Variants in ZNF560 observed in about 807,000 individuals in gnomAD.
ZNF560 encodes zinc finger protein 560.
A neutral mutation model predicts 81.8 loss-of-function variants in ZNF560; 54 were observed. The observed-to-expected ratio is 0.66, with a 90% CI of 0.53 to 0.83. The LOEUF is 0.83. Ranked by LOEUF, ZNF560 falls within the 40% of genes least tolerant of loss-of-function variation. ZNF560 has a pLI of 0.00. For synonymous variants in ZNF560, 321 were observed against 317.9 expected, an observed-to-expected ratio of 1.01 and a Z score of -0.10; for missense variants, 940 against 932.4, an observed-to-expected ratio of 1.01 and a Z score of -0.11.
At chr19:9,490,674 T>C (rs1050455721) in intron 2 of ZNF560, among the ~76,000 whole-genome samples, 3 of 152,194 alleles carry the variant, frequency 2.0e-5, no homozygotes, top group African/African-American at 7.2e-5. Flanking sequence ...CAATTATAAT[T>C]TACAAAAACA....
At position 9,468,306 on chromosome 19, in the gene ZNF560, T is replaced by C. The variant is rs781373847; in HGVS notation, c.641A>G (p.Tyr214Cys). ...GACATCTTCACATTGCTTACAGTCATAGAGTTCCTCTCCATTTTGGTTTCT... is the reference window on the plus strand; with the variant it reads ...GACATCTTCACATTGCTTACAGTCACAGAGTTCCTCTCCATTTTGGTTTCT... The part of the protein sequence containing the change: ...LARNQNGEEL[Y>C]DCKQCEDVFC... Residue 214 changes from tyrosine to cysteine, a missense_variant, in exon 10 of 10, where the codon TAT (tyrosine) becomes TGT (cysteine). Physicochemically the swap from Tyr to Cys is radical, Grantham distance 194. Transcript: ENST00000301480. The C allele has an allele frequency of 3.7e-6, 6 of 1,601,882 alleles. No individual in the cohort carries two copies. Among genetic ancestry groups the C allele is most frequent in the South Asian group, 2.3e-5 (2 of 88,366 alleles).
upstream of ZNF560, among the ~76,000 whole-genome samples, chr19:9,498,994 C>T (rs981233774): frequency 6.6e-6 from 1 of 152,232 alleles, no homozygotes; most frequent in Non-Finnish European, 1.5e-5. Flanking sequence ...AGTTGATAAC[C>T]TGCCAATCCA....
the ZNF560 span, among the ~76,000 whole-genome samples, chr19:9,460,039 A>T: frequency 6.6e-6 from 1 of 152,298 alleles, no homozygotes; most frequent in African/African-American, 2.4e-5. Flanking sequence ...AAAGGTTGTG[A>T]AACAGGTAAA....
At chr19:9,469,026 C>A (rs2073081008) in intron 9 of ZNF560, 79 bp downstream of exon 9, 1 of 1,171,490 alleles carries the variant, frequency 8.5e-7, no homozygotes, top group African/African-American at 1.6e-5. Context: ...CCGTGCCTGG[C>A]CATTTCTGCT....
chr19:9,476,281 G>A (rs2073200585), intron 2 of ZNF560, among the ~76,000 whole-genome samples: 1 of 151,858 alleles, frequency 6.6e-6, no homozygotes, highest in African/African-American at 2.4e-5. Flanking sequence ...AGATCTGATG[G>A]TGGGTTTTTT....
downstream of ZNF560, among the ~76,000 whole-genome samples, chr19:9,465,129 A>ATTTTTTTT (rs887659069): frequency 1.5e-5 from 2 of 129,526 alleles, no homozygotes; most frequent in African/African-American, 2.9e-5. Flanking sequence ...AAAGCTATTG[A>ATTTTTTTT]TTTTTTTTTT....
At position 9,469,610 on chromosome 19, in the gene ZNF560, TG is replaced by T; in HGVS notation, c.529+19del. The T allele has an allele frequency of 6.2e-7, 1 of 1,610,784 alleles. No individual in the cohort carries two copies. On this transcript the variant is annotated intron_variant, in intron 8 of 9. Coordinates refer to ENST00000301480, the MANE Select transcript of ZNF560 (RefSeq NM_152476.3). Reference sequence around the variant, plus strand: ...CTGAGAACTTCTCATGGACCAGGGTTGTTCTTCACAAACACTCACCTTGGAG... The same window carrying T: ...CTGAGAACTTCTCATGGACCAGGGTTTTCTTCACAAACACTCACCTTGGAG...
At chr19:9,475,124 G>A (rs1380256181) in intron 3 of ZNF560, among the ~76,000 whole-genome samples, 160 bp downstream of exon 3, 2 of 152,094 alleles carry the variant, frequency 1.3e-5, no homozygotes, top group South Asian at 2.1e-4. Context: ...TTATCAGTAT[G>A]AGAACCTCCA....
At chr19:9,491,469 A>G (rs1363354501) in intron 2 of ZNF560, among the ~76,000 whole-genome samples, 2 of 151,994 alleles carry the variant, frequency 1.3e-5, no homozygotes, top group Admixed American at 6.6e-5. Context: ...ATATCAAGAT[A>G]TCCCCTCCAA....
At chr19:9,460,396 G>A in the ZNF560 span, among the ~76,000 whole-genome samples, 1 of 152,196 alleles carries the variant, frequency 6.6e-6, no homozygotes, top group African/African-American at 2.4e-5. Context: ...CTTCAGCAAG[G>A]ACTGACAAAA....
At chr19:9,496,252 G>A (rs1207655043) in intron 2 of ZNF560, among the ~76,000 whole-genome samples, 1 of 151,854 alleles carries the variant, frequency 6.6e-6, no homozygotes, top group African/African-American at 2.4e-5. Context: ...AGATTGAGGT[G>A]GGAGGATCAC....
the ZNF560 span, among the ~76,000 whole-genome samples, chr19:9,449,177 C>CA: frequency 6.6e-6 from 1 of 152,134 alleles, no homozygotes; most frequent in Admixed American, 6.5e-5. Flanking sequence ...AACATTCTAC[C>CA]CATCAACCAC....
chr19:9,467,941 C>T lies in ZNF560; in HGVS notation c.1006G>A (p.Ala336Thr), dbSNP rs777161387. The T allele has an allele frequency of 6.2e-7, 1 of 1,614,142 alleles. No individual in the cohort carries two copies. The highest frequency in any genetic ancestry group is 8.5e-7 in the Non-Finnish European group (1 of 1,180,014). ...GEAFTHSTSH[A>T]VNVETHIIKN... Reference sequence around the variant, plus strand: ...ATAATGTGTGTTTCAACATTTACAGCATGGCTTGTGGAGTGAGTAAATGCT... The same window carrying T: ...ATAATGTGTGTTTCAACATTTACAGTATGGCTTGTGGAGTGAGTAAATGCT... Residue 336 changes from alanine (A) to threonine (T), a missense_variant, in exon 10 of 10, where the codon GCT becomes ACT. Ala to Thr is a moderately conservative substitution (Grantham distance 58). Coordinates refer to ENST00000301480, the MANE Select transcript of ZNF560 (RefSeq NM_152476.3).
chr19:9,449,982 A>AC, the ZNF560 span, among the ~76,000 whole-genome samples: 1 of 145,240 alleles, frequency 6.9e-6, no homozygotes, highest in Admixed American at 7.0e-5. Context: ...CTCAAAAAAA[A>AC]AAAAAAAAAA....
At chr19:9,505,971 ATATT>A in the ZNF560 span, among the ~76,000 whole-genome samples, 3 of 143,870 alleles carry the variant, frequency 2.1e-5, no homozygotes, top group Non-Finnish European at 4.4e-5. Context: ...GCTTTCATTC[ATATT>A]TACTTTCTTT....
intron 2 of ZNF560, among the ~76,000 whole-genome samples, chr19:9,487,985 ACTC>A (rs1215603355): frequency 2.6e-5 from 4 of 151,934 alleles, no homozygotes; most frequent in Admixed American, 1.3e-4. Context: ...CCCCATCACA[ACTC>A]CTGTTGAGGC....
At chr19:9,469,265 C>T (rs1456838427) in intron 8 of ZNF560, 78 bp from the exon 9 acceptor site, 1 of 1,132,532 alleles carries the variant, frequency 8.8e-7, no homozygotes, top group Non-Finnish European at 1.2e-6. Flanking sequence ...TAGATTTGAA[C>T]AATTTATATA....
chr19:9,474,892 C>T (rs1466513476), intron 3 of ZNF560, among the ~76,000 whole-genome samples: 1 of 127,560 alleles, frequency 7.8e-6, no homozygotes, highest in Non-Finnish European at 1.6e-5. Context: ...GTCTCAAATT[C>T]CTAAGATCAA....
chr19:9,496,044 C>T (rs1410599188), intron 2 of ZNF560, among the ~76,000 whole-genome samples: 1 of 152,128 alleles, frequency 6.6e-6, no homozygotes, highest in Non-Finnish European at 1.5e-5. Context: ...GTATATTTGT[C>T]CTCTGACCTA....
Sources: gnomAD v4.1 joint callset for allele counts (sites outside exome capture counted in the v4.1 genomes callset) on GRCh38, gnomAD v4.1.1 for gene constraint, MANE v1.5 for transcripts, NCBI Gene and HGNC (gene_info 2026-07-23, HGNC 2026-07-21) for gene names.